Variants in ABI2 observed in about 807,000 individuals in gnomAD.
The protein encoded by ABI2 is abelson interactor 2.
ABI2 carries 25 observed loss-of-function variants against 59.2 expected under a neutral mutation model. That is an observed-to-expected ratio of 0.42 (90% CI 0.31 to 0.59). The LOEUF (loss-of-function observed/expected upper bound fraction) is 0.59. Among genes scored for constraint, ABI2 ranks in the 20% least tolerant of loss-of-function variants. The pLI is 0.14. For synonymous variants in ABI2, 213 were observed against 235.5 expected, an observed-to-expected ratio of 0.90 and a Z score of 0.87; for missense variants, 545 against 681.8, an observed-to-expected ratio of 0.80 and a Z score of 2.23.
chr2:203,424,448 GCAGTGGTACGTT>G (rs1161440682), intron 11 of ABI2, among the ~76,000 whole-genome samples: 2 of 152,174 alleles, frequency 1.3e-5, no homozygotes, highest in Non-Finnish European at 2.9e-5. Context: ...GGGCTGGAGT[GCAGTGGTACGTT>G]CAGTGCTTAC....
intron 10 of ABI2, among the ~76,000 whole-genome samples, chr2:203,413,044 A>T (rs888301058): frequency 6.6e-6 from 1 of 152,150 alleles, no homozygotes; most frequent in Non-Finnish European, 1.5e-5. Context: ...ATACCCTGGG[A>T]GTTTTTTCTG....
intron 1 of ABI2, among the ~76,000 whole-genome samples, chr2:203,366,296 G>GT (rs2094437477): frequency 1.3e-5 from 2 of 152,140 alleles, no homozygotes; most frequent in African/African-American, 4.8e-5. Flanking sequence ...ATCTTTTAGG[G>GT]TTATAACACT....
chr2:203,406,086 A>G (rs2097415317), intron 9 of ABI2, among the ~76,000 whole-genome samples: 1 of 152,204 alleles, frequency 6.6e-6, no homozygotes, highest in African/African-American at 2.4e-5. Context: ...AGGAATACCA[A>G]TTTATCATTA....
chr2:203,355,667 T>TA (rs1196694691), intron 1 of ABI2, among the ~76,000 whole-genome samples: 4 of 150,924 alleles, frequency 2.7e-5, no homozygotes, highest in Non-Finnish European at 5.9e-5. Context: ...CCGTCTTTAC[T>TA]AAAAAAATAC....
chr2:203,404,906 C>T lies in ABI2; in HGVS notation c.1192+2172C>T, dbSNP rs568446033. Among the ~76,000 whole-genome samples the T allele has an allele frequency of 9.2e-5, 14 of 152,204 alleles. No individual in the cohort carries two copies. The South Asian group carries it at 2.9e-3, about 32-fold the overall frequency. ...TGTTCGTGTATGCTCCAAAATAGTC[C>T]TATGAGAACTCTGTAGGTAGAATTT... On this transcript the variant is annotated intron_variant, in intron 9 of 11. Coordinates refer to ENST00000261018, the MANE Select transcript of ABI2 (RefSeq NM_001375670.1).
At chr2:203,412,094 A>G (rs1299406772) in intron 10 of ABI2, among the ~76,000 whole-genome samples, 1 of 152,214 alleles carries the variant, frequency 6.6e-6, no homozygotes, top group African/African-American at 2.4e-5. Context: ...GAATGATATT[A>G]AAGATCTCAT....
At chr2:203,384,330 AG>A (rs1272075148) in intron 4 of ABI2, among the ~76,000 whole-genome samples, 2 of 108,628 alleles carry the variant, frequency 1.8e-5, no homozygotes, top group East Asian at 5.9e-4. Context: ...TTTTTGAGAC[AG>A]GGTCTCACTC....
chr2:203,363,223 C>G (rs1442352494), intron 1 of ABI2, among the ~76,000 whole-genome samples: 4 of 152,120 alleles, frequency 2.6e-5, no homozygotes, highest in Admixed American at 6.5e-5. Flanking sequence ...TATTTTGATA[C>G]AGGCATACAA....
At chr2:203,352,202 A>T in intron 1 of ABI2, among the ~76,000 whole-genome samples, 1 of 152,328 alleles carries the variant, frequency 6.6e-6, no homozygotes, top group Non-Finnish European at 1.5e-5. Flanking sequence ...CCCCATGCCT[A>T]TAATCCCAGC....
intron 10 of ABI2, among the ~76,000 whole-genome samples, chr2:203,414,989 T>C (rs1388090803): frequency 1.3e-5 from 2 of 152,234 alleles, no homozygotes; most frequent in Non-Finnish European, 2.9e-5. Context: ...GGCAGCATCT[T>C]TGAGTAATTT....
At chr2:203,395,110 C>G in intron 6 of ABI2, 1 of 703,712 alleles carries the variant, frequency 1.4e-6, no homozygotes, top group Non-Finnish European at 2.6e-6. Context: ...AATTATGGAC[C>G]AAATGTGGGA....
intron 2 of ABI2, among the ~76,000 whole-genome samples, chr2:203,373,324 G>C (rs893769459): frequency 6.6e-6 from 1 of 152,232 alleles, no homozygotes; most frequent in Non-Finnish European, 1.5e-5. Flanking sequence ...CCAGTCAGGC[G>C]TGGCGGCGCG....
intron 1 of ABI2, among the ~76,000 whole-genome samples, chr2:203,343,980 A>G (rs768278361): frequency 5.9e-5 from 9 of 152,106 alleles, no homozygotes; most frequent in Admixed American, 1.3e-4. Context: ...CAAAAATTAC[A>G]GAAATTAGCT....
intron 1 of ABI2, among the ~76,000 whole-genome samples, chr2:203,348,246 A>G (rs1420538265): frequency 6.6e-6 from 1 of 152,166 alleles, no homozygotes; most frequent in Non-Finnish European, 1.5e-5. Flanking sequence ...GTCTCAAAAT[A>G]ATAATATTTT....
intron 8 of ABI2, among the ~76,000 whole-genome samples, chr2:203,398,022 A>T (rs1029534444): frequency 6.6e-6 from 1 of 152,248 alleles, no homozygotes; most frequent in Non-Finnish European, 1.5e-5. Context: ...GATTCAAAGC[A>T]TATCAATCAC....
intron 1 of ABI2, among the ~76,000 whole-genome samples, chr2:203,341,097 A>G (rs906736568): frequency 6.6e-6 from 1 of 152,174 alleles, no homozygotes; most frequent in African/African-American, 2.4e-5. Flanking sequence ...GCTTTTGCTG[A>G]TACATCACGT....
intron 4 of ABI2, among the ~76,000 whole-genome samples, chr2:203,389,047 A>G (rs2096642205): frequency 6.6e-6 from 1 of 152,218 alleles, no homozygotes; most frequent in Non-Finnish European, 1.5e-5. Flanking sequence ...ACCACTTTAA[A>G]AAAATCTTCT....
At chr2:203,362,246 C>A (rs2093617458) in intron 1 of ABI2, among the ~76,000 whole-genome samples, 1 of 152,086 alleles carries the variant, frequency 6.6e-6, no homozygotes. Context: ...TGTTTTTCAT[C>A]TAAGCATGAA....
intron 4 of ABI2, among the ~76,000 whole-genome samples, chr2:203,382,572 A>G (rs1261613108): frequency 3.3e-5 from 5 of 152,220 alleles, no homozygotes; most frequent in Non-Finnish European, 7.3e-5. Context: ...TTTTATAAAT[A>G]TAGAGACTTT....
Sources: gnomAD v4.1 joint callset for allele counts (sites outside exome capture counted in the v4.1 genomes callset) on GRCh38, gnomAD v4.1.1 for gene constraint, MANE v1.5 for transcripts, NCBI Gene and HGNC (gene_info 2026-07-23, HGNC 2026-07-21) for gene names.